The following PDZRN4 variants were observed in gnomAD, a reference collection of about 807,000 sequenced individuals.
The protein encoded by PDZRN4 is PDZ domain-containing RING finger protein 4.
In PDZRN4, 70 loss-of-function variants were observed where a neutral mutation model predicts 99.0. The observed-to-expected ratio is 0.71, with a 90% CI of 0.58 to 0.86. The LOEUF (loss-of-function observed/expected upper bound fraction) is 0.86. Ranked by LOEUF, PDZRN4 falls within the 40% of genes least tolerant of loss-of-function variation. PDZRN4 has a pLI of 0.00. For synonymous variants in PDZRN4, 551 were observed against 501.6 expected (o/e 1.10, Z -1.32); for missense variants, 1,474 against 1,331.2 (o/e 1.11, Z -1.67).
At chr12:41,211,151 G>T (rs1189809036) in intron 3 of PDZRN4, among the ~76,000 whole-genome samples, 1 of 151,962 alleles carries the variant, frequency 6.6e-6, no homozygotes, top group Non-Finnish European at 1.5e-5. Context: ...CCAGCTGCCA[G>T]AGTTGCCACA....
At chr12:41,298,409 G>A (rs997252391) in intron 3 of PDZRN4, among the ~76,000 whole-genome samples, 18 of 152,186 alleles carry the variant, frequency 1.2e-4, no homozygotes, top group African/African-American at 3.9e-4. Context: ...AAGACTTAAC[G>A]ATACCAAAGC....
At chr12:41,323,874 G>C (rs1951694695) in intron 3 of PDZRN4, among the ~76,000 whole-genome samples, 1 of 151,950 alleles carries the variant, frequency 6.6e-6, no homozygotes, top group Non-Finnish European at 1.5e-5. Context: ...GTTAACCTGA[G>C]TTAATATATT....
chr12:41,227,107 T>C (rs934486754), intron 3 of PDZRN4, among the ~76,000 whole-genome samples: 10 of 151,694 alleles, frequency 6.6e-5, no homozygotes, highest in African/African-American at 2.2e-4. Flanking sequence ...TAGCCAGGAG[T>C]TATGCTAATG....
Position 41,235,697 on chromosome 12 carries a change from T to C in PDZRN4, c.843+41509T>C, listed in dbSNP as rs1951062138. On this transcript the variant is annotated intron_variant, in intron 3 of 9. Coordinates refer to ENST00000402685, the MANE Select transcript of PDZRN4 (RefSeq NM_001164595.2). ...GCTGGTTTGAAAATTTTAAAAACCC[T>C]CTATGAAGAACCAAACCACATACAC... 5.9e-5 allele frequency among the ~76,000 whole-genome samples: 9 copies of C among 152,292 alleles called. No homozygotes were observed. The South Asian group carries it at 1.2e-3, about 21-fold the overall frequency.
intron 7 of PDZRN4, 27 bp from the exon 8 acceptor site, chr12:41,563,521 A>G: frequency 6.7e-7 from 1 of 1,495,170 alleles, no homozygotes; most frequent in Non-Finnish European, 9.3e-7. Flanking sequence ...AATGGAAACT[A>G]ATGTGCCACT....
At chr12:41,222,339 C>A (rs1950960903) in intron 3 of PDZRN4, among the ~76,000 whole-genome samples, 1 of 152,132 alleles carries the variant, frequency 6.6e-6, no homozygotes, top group African/African-American at 2.4e-5. Flanking sequence ...CTGTCCACCT[C>A]ACCTATTTAG....
chr12:41,567,919 C>A lies in PDZRN4; in HGVS notation c.1584+20C>A. ...GAGCAGGTAGGGCCAACAATTTGAA[C>A]TACATCATTTGATATGTTGCTTGTT... On this transcript the variant is annotated intron_variant, in intron 9 of 9. Transcript: ENST00000402685. The A allele has an allele frequency of 7.4e-7, 1 of 1,349,548 alleles. No individual in the cohort carries two copies. Among genetic ancestry groups the A allele is most frequent in the Non-Finnish European group, 1.0e-6 (1 of 960,640 alleles). 83.6% of individuals were successfully genotyped at this position (1,349,548 alleles called of 1,614,324 possible).
At chr12:41,531,991 C>T (rs1326179333) in intron 5 of PDZRN4, among the ~76,000 whole-genome samples, 4 of 151,916 alleles carry the variant, frequency 2.6e-5, no homozygotes, top group African/African-American at 9.7e-5. Context: ...TCTATCTAGT[C>T]TAAAAAAATC....
At chr12:41,557,867 A>G (rs1939195559) in intron 7 of PDZRN4, among the ~76,000 whole-genome samples, 1 of 152,188 alleles carries the variant, frequency 6.6e-6, no homozygotes, top group Non-Finnish European at 1.5e-5. Context: ...TATCATACAC[A>G]GGGGAATGAA....
rs572018161 is a variant in PDZRN4 at position 41,435,526 on chromosome 12, C to T, written c.844-70930C>T. Among the ~76,000 whole-genome samples the T allele has an allele frequency of 3.6e-4, 55 of 152,296 alleles. No homozygotes were observed. In the South Asian group the frequency reaches 0.01, roughly 28 times the overall value. On this transcript the variant is annotated intron_variant, in intron 3 of 9. Coordinates refer to ENST00000402685, the MANE Select transcript of PDZRN4 (RefSeq NM_001164595.2). ...AGTATGGGCTGGGTGCGTTGGCTCA[C>T]GCCTGTAATCCCAGCACCTTGGGAG...
intron 9 of PDZRN4, among the ~76,000 whole-genome samples, chr12:41,569,278 C>T (rs777923360): frequency 6.6e-6 from 1 of 152,134 alleles, no homozygotes; most frequent in Admixed American, 6.5e-5. Flanking sequence ...CGCCATCATG[C>T]TCAGCTAATT....
intron 5 of PDZRN4, among the ~76,000 whole-genome samples, chr12:41,521,969 AG>A (rs1257424713): frequency 2.0e-5 from 3 of 152,094 alleles, no homozygotes; most frequent in Non-Finnish European, 4.4e-5. Flanking sequence ...TGTTTTTCCA[AG>A]GGAATGTTTA....
chr12:41,240,347 C>T (rs576594870), intron 3 of PDZRN4, among the ~76,000 whole-genome samples: 2 of 152,236 alleles, frequency 1.3e-5, no homozygotes, highest in Admixed American at 1.3e-4. Context: ...ACACAAGGCC[C>T]TGTCTCAAAA....
chr12:41,296,957 CA>C (rs1171337031), intron 3 of PDZRN4, among the ~76,000 whole-genome samples: 7 of 152,066 alleles, frequency 4.6e-5, no homozygotes, highest in African/African-American at 1.4e-4. Context: ...GACCCTGACT[CA>C]AAAAACAAAA....
rs142013358 is a variant in PDZRN4, at chr12:41,572,397, G to C, written c.1618G>C (p.Asp540His). 2 of 1,613,722 alleles carry C rather than the reference G, an allele frequency of 1.2e-6. No homozygotes were observed. The highest frequency in any genetic ancestry group is 8.5e-7 in the Non-Finnish European group (1 of 1,179,860). Residue 540 changes from aspartate to histidine, a missense_variant, in exon 10 of 10, where the codon GAC (aspartate) becomes CAC (histidine). Asp to His is a moderately conservative substitution (Grantham distance 81). Coordinates refer to ENST00000402685, the MANE Select transcript of PDZRN4 (RefSeq NM_001164595.2). ...KKQEEEEGTT[D>H]TATSSSNNHE... Reference sequence around the variant, plus strand: ...GCAAGAAGAAGAAGAAGGCACAACAGACACTGCAACATCCTCATCCAACAA... The same window carrying C: ...GCAAGAAGAAGAAGAAGGCACAACACACACTGCAACATCCTCATCCAACAA...
At chr12:41,392,055 A>C (rs972387026) in intron 3 of PDZRN4, among the ~76,000 whole-genome samples, 1 of 152,192 alleles carries the variant, frequency 6.6e-6, no homozygotes, top group Non-Finnish European at 1.5e-5. Context: ...TGTAGTTCTT[A>C]ACAAAATTAG....
chr12:41,381,763 T>C (rs1377993350), intron 3 of PDZRN4, among the ~76,000 whole-genome samples: 1 of 152,198 alleles, frequency 6.6e-6, no homozygotes, highest in Admixed American at 6.5e-5. Flanking sequence ...ATTGTAGCTT[T>C]ATTAATTTAC....
intron 3 of PDZRN4, chr12:41,437,885 T>C: frequency 6.2e-7 from 1 of 1,613,604 alleles, no homozygotes; most frequent in Non-Finnish European, 8.5e-7. Flanking sequence ...CCCTTTCAGT[T>C]CACTTGCCTT....
intron 3 of PDZRN4, among the ~76,000 whole-genome samples, chr12:41,393,950 C>T (rs1288013153): frequency 6.6e-6 from 1 of 152,204 alleles, no homozygotes; most frequent in Non-Finnish European, 1.5e-5. Flanking sequence ...GAATATCTTA[C>T]ATGGCAGATC....
Sources: gnomAD v4.1 joint callset for allele counts (sites outside exome capture counted in the v4.1 genomes callset) on GRCh38, gnomAD v4.1.1 for gene constraint, MANE v1.5 for transcripts, NCBI Gene and HGNC (gene_info 2026-07-23, HGNC 2026-07-21) for gene names.